The following UTS2 variants were observed in gnomAD, a reference collection of about 807,000 sequenced individuals.
UTS2 encodes urotensin-2.
UTS2 carries 10 observed loss-of-function variants against 12.6 expected under a neutral mutation model. That is an observed-to-expected ratio of 0.80 (90% CI 0.49 to 1.35). UTS2 has a LOEUF of 1.35. Ranked by LOEUF, UTS2 falls within the 40% of genes most tolerant of loss-of-function variation. UTS2 has a pLI of 0.00. For synonymous variants in UTS2, 52 were observed against 50.0 expected (o/e 1.04, Z -0.17); for missense variants, 142 against 143.2 (o/e 0.99, Z 0.04).
chr1:7,855,806 A>G (rs920728693), upstream of UTS2, among the ~76,000 whole-genome samples: 4 of 151,406 alleles, frequency 2.6e-5, no homozygotes, highest in South Asian at 2.1e-4. Flanking sequence ...GGCTCAAGCA[A>G]TTCTACCTTG....
At chr1:7,891,335 G>A in the UTS2 span, among the ~76,000 whole-genome samples, 2 of 151,984 alleles carry the variant, frequency 1.3e-5, no homozygotes, top group African/African-American at 2.4e-5. Context: ...AGACCAGCCT[G>A]GCCAACATGG....
chr1:7,865,574 A>G, the UTS2 span, among the ~76,000 whole-genome samples: 1 of 152,142 alleles, frequency 6.6e-6, no homozygotes, highest in Non-Finnish European at 1.5e-5. Flanking sequence ...TCATAAGGAC[A>G]CCAATCATAT....
chr1:7,878,614 A>G, the UTS2 span, among the ~76,000 whole-genome samples: 26 of 152,190 alleles, frequency 1.7e-4, no homozygotes, highest in Non-Finnish European at 3.8e-4. Flanking sequence ...CTGTAGTCAC[A>G]GCTATACAGG....
chr1:7,899,183 C>T, the UTS2 span, among the ~76,000 whole-genome samples: 2 of 152,150 alleles, frequency 1.3e-5, no homozygotes, highest in Non-Finnish European at 2.9e-5. Flanking sequence ...AATCACCTCC[C>T]ACCAGGCCTC....
intron 3 of UTS2, among the ~76,000 whole-genome samples, chr1:7,848,512 C>CTGTAT (rs57463148): frequency 0.49 from 73,659 of 150,844 alleles, 18,897 homozygotes; most frequent in Admixed American, 0.61. Context: ...ATTGTGTATA[C>CTGTAT]TGTATTGTAT....
chr1:7,860,634 A>G, the UTS2 span, among the ~76,000 whole-genome samples: 3 of 133,548 alleles, frequency 2.2e-5, no homozygotes, highest in Admixed American at 2.3e-4. Context: ...CAGTGGTGCA[A>G]TCACTAATCA....
chr1:7,851,812 C>T (rs746395416), intron 1 of UTS2, among the ~76,000 whole-genome samples: 134 of 152,284 alleles, frequency 8.8e-4, no homozygotes, highest in East Asian at 9.6e-4. Flanking sequence ...ACAAATTCTG[C>T]GATAAGCTGC....
chr1:7,904,318 A>T, the UTS2 span, among the ~76,000 whole-genome samples: 18 of 150,194 alleles, frequency 1.2e-4, no homozygotes, highest in Middle Eastern at 3.2e-3. Context: ...ATAAAAAAAA[A>T]AAAAAATAAT....
the UTS2 span, among the ~76,000 whole-genome samples, chr1:7,888,077 G>A: frequency 6.6e-6 from 1 of 152,164 alleles, no homozygotes; most frequent in African/African-American, 2.4e-5. Flanking sequence ...ACAGCTTCAC[G>A]TTGAACACTT....
At chr1:7,873,150 A>T in the UTS2 span, among the ~76,000 whole-genome samples, 2 of 152,346 alleles carry the variant, frequency 1.3e-5, no homozygotes, top group Admixed American at 6.5e-5. Flanking sequence ...TCTAAAAAAA[A>T]TTTCTTCAAA....
chr1:7,886,106 C>A, the UTS2 span, among the ~76,000 whole-genome samples: 1 of 132,590 alleles, frequency 7.5e-6, no homozygotes, highest in Non-Finnish European at 1.7e-5. Context: ...CTGTGCCCTA[C>A]CCGGTAGCAG....
chr1:7,875,344 G>A, the UTS2 span, among the ~76,000 whole-genome samples: 1 of 152,228 alleles, frequency 6.6e-6, no homozygotes, highest in Non-Finnish European at 1.5e-5. Flanking sequence ...AAAGGACTGG[G>A]ATTACAGGCG....
In UTS2 at chr1:7,847,623, T is replaced by C. The variant is rs1003636105; in HGVS notation, c.*143A>G. The C allele has an allele frequency of 3.4e-5, 23 of 674,030 alleles. No individual in the cohort carries two copies. The African/African-American group carries it at 3.6e-4, about 11-fold the overall frequency. 41.8% of individuals were successfully genotyped at this position (674,030 alleles called of 1,614,324 possible). ...AACCACTCATGATATGTGCAAAACATAGAGGATTTATTTTCCAGGTAACAA... is the reference window on the plus strand; with the variant it reads ...AACCACTCATGATATGTGCAAAACACAGAGGATTTATTTTCCAGGTAACAA... On this transcript the variant is annotated 3_prime_UTR_variant, in exon 4 of 4. Transcript: ENST00000361696.
At chr1:7,854,291 C>A (rs1175573940), upstream of UTS2, among the ~76,000 whole-genome samples, 2 of 151,204 alleles carry the variant, frequency 1.3e-5, no homozygotes, top group African/African-American at 2.4e-5. Context: ...GTGCAGTGAG[C>A]CAAGATTGCG....
At chr1:7,886,921 G>A in the UTS2 span, among the ~76,000 whole-genome samples, 7 of 151,630 alleles carry the variant, frequency 4.6e-5, no homozygotes, top group Non-Finnish European at 8.8e-5. Context: ...ATGGTGGCAG[G>A]TCCCTGCTAC....
rs1578024033 is a variant in UTS2, at chr1:7,849,428, C to T, written c.258+212G>A. 3.3e-5 allele frequency among the ~76,000 whole-genome samples: 5 copies of T among 152,174 alleles called. No individual in the cohort carries two copies. The South Asian group carries it at 1.0e-3, about 32-fold the overall frequency. Reference sequence around the variant, plus strand: ...GTTTCACCATGTTGGCCAGGCTGGTCTCGAACTTCTGACCTCAGGTGGTCC... The same window carrying T: ...GTTTCACCATGTTGGCCAGGCTGGTTTCGAACTTCTGACCTCAGGTGGTCC... On this transcript the variant is annotated intron_variant, in intron 3 of 3. Coordinates refer to ENST00000361696, the MANE Select transcript of UTS2 (RefSeq NM_006786.4).
the UTS2 span, among the ~76,000 whole-genome samples, chr1:7,883,823 C>T: frequency 4.0e-5 from 6 of 151,552 alleles, no homozygotes; most frequent in African/African-American, 1.5e-4. Context: ...TGCTCATTGA[C>T]ATTTTTTAGC....
the UTS2 span, among the ~76,000 whole-genome samples, chr1:7,910,728 G>T: frequency 6.6e-6 from 1 of 152,134 alleles, no homozygotes; most frequent in African/African-American, 2.4e-5. Context: ...TTGTTTGTTT[G>T]TTTTTGGGAT....
chr1:7,862,071 C>G, the UTS2 span, among the ~76,000 whole-genome samples: 13 of 151,978 alleles, frequency 8.6e-5, no homozygotes, highest in Admixed American at 8.5e-4. Flanking sequence ...GCCCACCACG[C>G]CCGGCTAATT....
Sources: gnomAD v4.1 joint callset for allele counts (sites outside exome capture counted in the v4.1 genomes callset) on GRCh38, gnomAD v4.1.1 for gene constraint, MANE v1.5 for transcripts, NCBI Gene and HGNC (gene_info 2026-07-23, HGNC 2026-07-21) for gene names.